Variants in EFR3B observed in about 807,000 individuals in gnomAD.
EFR3B encodes protein EFR3 homolog B.
A neutral mutation model predicts 104.7 loss-of-function variants in EFR3B; 64 were observed. The ratio of observed to expected loss-of-function variants is 0.61; its 90% CI spans 0.50 to 0.75. The LOEUF (loss-of-function observed/expected upper bound fraction) is 0.75. EFR3B is among the 30% of genes least tolerant of loss of function. The pLI is 0.00. For missense variants in EFR3B, 750 were observed against 1,078.5 expected (o/e 0.70, Z 4.27); for synonymous variants, 385 against 417.9 (o/e 0.92, Z 0.96).
chr2:25,138,496 G>A (rs1476953157), intron 15 of EFR3B, among the ~76,000 whole-genome samples: 1 of 152,200 alleles, frequency 6.6e-6, no homozygotes, highest in Non-Finnish European at 1.5e-5. Context: ...CTGAATCGGG[G>A]CAAGCCTGGG....
At chr2:25,125,308 T>C (rs1319582373) in intron 5 of EFR3B, among the ~76,000 whole-genome samples, 1 of 152,202 alleles carries the variant, frequency 6.6e-6, no homozygotes, top group Non-Finnish European at 1.5e-5. Flanking sequence ...CAGGCGTTGT[T>C]TCCTGCCAGC....
intron 12 of EFR3B, among the ~76,000 whole-genome samples, chr2:25,133,959 A>G (rs181284404): frequency 1.3e-5 from 2 of 152,308 alleles, no homozygotes; most frequent in Admixed American, 1.3e-4. Context: ...TGATAAATAT[A>G]TGATTCCTCA....
intron 1 of EFR3B, chr2:25,058,041 G>C (rs2149167402): frequency 6.6e-6 from 1 of 152,338 alleles, no homozygotes. Flanking sequence ...AGCTGGCATG[G>C]TGACATGTGC....
chr2:25,116,611 G>A (rs1020484260), intron 4 of EFR3B, among the ~76,000 whole-genome samples: 45 of 151,960 alleles, frequency 3.0e-4, no homozygotes, highest in African/African-American at 1.0e-3. Context: ...GCAGCAGGGC[G>A]AGACTGTCTC....
At chr2:25,132,866 G>A in intron 10 of EFR3B, 37 bp from the exon 11 acceptor site, 1 of 1,522,390 alleles carries the variant, frequency 6.6e-7, no homozygotes, top group Non-Finnish European at 8.9e-7. Context: ...CCTGGAGCCT[G>A]TGCCTCACTG....
chr2:25,093,150 G>A lies in EFR3B; in HGVS notation c.212+20G>A, dbSNP rs1669179743. The stretch of plus-strand genomic sequence containing the variant: ...ATATGGGTAAGTAGTTTGGAAGAGA[G>A]GGAGAGAGATTGTCAGGAACTATAT... On this transcript the variant is annotated intron_variant, in intron 3 of 22. Transcript: ENST00000403714. The A allele has an allele frequency of 1.9e-6, 3 of 1,550,806 alleles. No individual in the cohort carries two copies. Among genetic ancestry groups the A allele is most frequent in the South Asian group, 1.2e-5 (1 of 84,006 alleles).
intron 5 of EFR3B, among the ~76,000 whole-genome samples, chr2:25,125,809 G>A (rs898299088): frequency 3.9e-5 from 6 of 152,162 alleles, no homozygotes; most frequent in Non-Finnish European, 4.4e-5. Flanking sequence ...ATAGCCAGGC[G>A]TGGTGGCGGG....
Position 25,137,958 on chromosome 2 carries a change from G to C in EFR3B, c.1722+456G>C, listed in dbSNP as rs944625993. Among the ~76,000 whole-genome samples, 1 of 152,062 alleles carries C rather than the reference G, an allele frequency of 6.6e-6. No individual in the cohort carries two copies. Among genetic ancestry groups the C allele is most frequent in the Non-Finnish European group, 1.5e-5 (1 of 67,998 alleles). On this transcript the variant is annotated intron_variant, in intron 15 of 22. Coordinates refer to ENST00000403714, the MANE Select transcript of EFR3B (RefSeq NM_014971.2). The surrounding 1 kb of genome is among the most constrained non-coding windows in gnomAD (Gnocchi z 4.7). ...AGGCCGAGGTGGGTGGACCACTTGAGGTCAGGAGTTCAAGACCAGCCTGGC... is the reference window on the plus strand; with the variant it reads ...AGGCCGAGGTGGGTGGACCACTTGACGTCAGGAGTTCAAGACCAGCCTGGC...
At chr2:25,091,243 C>A in intron 1 of EFR3B, 82 bp from the exon 2 acceptor site, 1 of 1,361,266 alleles carries the variant, frequency 7.3e-7, no homozygotes, top group Non-Finnish European at 1.0e-6. Flanking sequence ...CTGCCACTCA[C>A]AGGCTGCCCT....
chr2:25,042,620 C>T lies in EFR3B; in HGVS notation c.7+301C>T. On this transcript the variant is annotated intron_variant, in intron 1 of 22. Coordinates refer to ENST00000403714, the MANE Select transcript of EFR3B (RefSeq NM_014971.2). This position sits in a 1 kb window ranked among gnomAD's most constrained non-coding sequence, Gnocchi z 5.4. ...CCCGGAGCCGAGCAGACCGGGAGTG[C>T]TGGAGGAGGTGGTCGTGTGGCAGCA... 5.2e-5 allele frequency: 61 copies of T among 1,171,106 alleles called. No homozygotes were observed. The highest frequency in any genetic ancestry group is 6.4e-5 in the Non-Finnish European group (61 of 949,372). The allele number at this position is 1,171,106 out of a possible 1,614,324, so 72.5% of individuals were successfully genotyped here. A position where few individuals can be genotyped will look rare whatever the true frequency, so the allele number is the denominator to read the frequency against.
In EFR3B at chr2:25,082,306, G is replaced by C. The variant is rs148933290; in HGVS notation, c.8-9019G>C. Among the ~76,000 whole-genome samples, 3 of 152,338 alleles carry C rather than the reference G, an allele frequency of 2.0e-5. No homozygotes were observed. In the East Asian group the frequency reaches 5.8e-4, roughly 29 times the overall value. Reference sequence around the variant, plus strand: ...GCCAGGAGCCAGCTAAGGGGGTTGGGGGAGTGAGGACAAGGCAGGCTAGAG... The same window carrying C: ...GCCAGGAGCCAGCTAAGGGGGTTGGCGGAGTGAGGACAAGGCAGGCTAGAG... On this transcript the variant is annotated intron_variant, in intron 1 of 22. Coordinates refer to ENST00000403714, the MANE Select transcript of EFR3B (RefSeq NM_014971.2).
chr2:25,125,682 C>T (rs1352688959), intron 5 of EFR3B, among the ~76,000 whole-genome samples: 7 of 152,214 alleles, frequency 4.6e-5, no homozygotes, highest in Non-Finnish European at 1.0e-4. Flanking sequence ...GGCACGGTGG[C>T]TCACGCCTGT....
chr2:25,085,893 C>A (rs1034342422), intron 1 of EFR3B, among the ~76,000 whole-genome samples: 6 of 151,536 alleles, frequency 4.0e-5, no homozygotes, highest in Non-Finnish European at 8.8e-5. Flanking sequence ...CTGGGAAATG[C>A]TTGTTAGCAT....
chr2:25,052,250 G>C (rs1352577213), intron 1 of EFR3B, among the ~76,000 whole-genome samples: 1 of 152,022 alleles, frequency 6.6e-6, no homozygotes. Context: ...ACAGGCATGA[G>C]CCACTGCGCC....
At chr2:25,091,430 G>A (rs771305036) in intron 2 of EFR3B, 29 bp downstream of exon 2, 12 of 1,539,164 alleles carry the variant, frequency 7.8e-6, no homozygotes, top group Admixed American at 6.2e-5. Context: ...AGGCATCGTG[G>A]CTCTCATGGT....
chr2:25,150,975 T>C (rs1028858784), intron 20 of EFR3B, among the ~76,000 whole-genome samples: 1 of 151,874 alleles, frequency 6.6e-6, no homozygotes, highest in African/African-American at 2.4e-5. Context: ...ATCCCAGCAC[T>C]TTGGGAGGCC....
chr2:25,150,611 C>CT lies in EFR3B; in HGVS notation c.2191+884dup, dbSNP rs200348402. The stretch of plus-strand genomic sequence containing the variant: ...TCTCTGAATGTACACATTTCTTGCC[C>CT]TTTTTTTTTTTTTTTCTGAGACAGA... On this transcript the variant is annotated intron_variant, in intron 20 of 22. Coordinates refer to ENST00000403714, the MANE Select transcript of EFR3B (RefSeq NM_014971.2). Among the ~76,000 whole-genome samples, 432 of 142,152 alleles carry CT rather than the reference C, an allele frequency of 3.0e-3. 2 individuals are homozygous for CT. The highest frequency in any genetic ancestry group is 6.5e-3 in the African/African-American group (250 of 38,548). The allele number at this position is 142,152 out of a possible 152,430, so 93.3% of individuals were successfully genotyped here.
intron 19 of EFR3B, among the ~76,000 whole-genome samples, chr2:25,148,345 C>A (rs1047350064): frequency 1.3e-4 from 19 of 151,694 alleles, no homozygotes; most frequent in Non-Finnish European, 2.4e-4. Context: ...TCTCCACCTC[C>A]CGGTTTCAAG....
chr2:25,103,368 C>A (rs2149191224), intron 3 of EFR3B, among the ~76,000 whole-genome samples: 1 of 152,374 alleles, frequency 6.6e-6, no homozygotes, highest in South Asian at 2.1e-4. Context: ...AATGCTCTAT[C>A]TCATCCGTCG....
Sources: allele counts gnomAD v4.1 joint callset (sites outside exome capture counted in the v4.1 genomes callset), GRCh38; gene constraint gnomAD v4.1.1; non-coding constraint Gnocchi (gnomAD v3.1); transcripts MANE v1.5; gene names NCBI Gene and HGNC (gene_info 2026-07-23, HGNC 2026-07-21).